MC2R: variants seen among roughly 807,000 people sequenced by gnomAD.
MC2R encodes melanocortin 2 receptor.
A neutral mutation model predicts 9.8 loss-of-function variants in MC2R; 9 were observed. The observed-to-expected ratio is 0.92, with a 90% CI of 0.55 to 1.60. The LOEUF (loss-of-function observed/expected upper bound fraction) is 1.60. Ranked by LOEUF, MC2R falls within the 40% of genes most tolerant of loss-of-function variation. The pLI is 0.00. For synonymous variants in MC2R, 185 were observed against 154.7 expected, an observed-to-expected ratio of 1.20 and a Z score of -1.45; for missense variants, 370 against 389.0, an observed-to-expected ratio of 0.95 and a Z score of 0.41.
chr18:13,884,077 A>G lies in MC2R; in HGVS notation c.*548T>C. On this transcript the variant is annotated 3_prime_UTR_variant, in exon 2 of 2. Transcript: ENST00000327606. ...GATTCCACATGGCTGTGGGAGACAG[A>G]CAAATTCAGCTGCAGCAATGCATTC... The G allele has an allele frequency of 5.8e-6, 1 of 172,508 alleles. No individual in the cohort carries two copies. Among genetic ancestry groups the G allele is most frequent in the East Asian group, 1.5e-4 (1 of 6,858 alleles). 10.7% of individuals were successfully genotyped at this position (172,508 alleles called of 1,614,324 possible). A position where few individuals can be genotyped will look rare whatever the true frequency, so the allele number is the denominator to read the frequency against.
At chr18:13,898,210 A>G (rs1433979935) in intron 1 of MC2R, among the ~76,000 whole-genome samples, 6 of 152,142 alleles carry the variant, frequency 3.9e-5, no homozygotes, top group Non-Finnish European at 1.5e-5. Context: ...GCGCTTGCAA[A>G]CAAGGAAACA....
chr18:13,886,122 A>G (rs2045274862), intron 1 of MC2R, among the ~76,000 whole-genome samples: 1 of 152,188 alleles, frequency 6.6e-6, no homozygotes, highest in Non-Finnish European at 1.5e-5. Flanking sequence ...GGTAACACGT[A>G]TGTTATTCTG....
intron 1 of MC2R, among the ~76,000 whole-genome samples, chr18:13,893,701 A>T (rs1308295474): frequency 2.0e-5 from 3 of 152,306 alleles, no homozygotes; most frequent in Admixed American, 1.3e-4. Context: ...GCTCGACTGA[A>T]ATCAATAACA....
Position 13,882,569 on chromosome 18 carries a change from T to G in MC2R, c.*2056A>C, listed in dbSNP as rs1052810655. The G allele has an allele frequency of 6.6e-6, 1 of 152,168 alleles. No homozygotes were observed. Among genetic ancestry groups the G allele is most frequent in the Non-Finnish European group, 1.5e-5 (1 of 68,028 alleles). The allele number at this position is 152,168 out of a possible 1,614,324, so 9.4% of individuals were successfully genotyped here. On this transcript the variant is annotated 3_prime_UTR_variant, in exon 2 of 2. Transcript: ENST00000327606. ...ACAGTCACATGCACAGCAGAGAGCT[T>G]GAGAGTGATTAGGAGACAGCAAAGC...
At chr18:13,892,175 G>T (rs1031844355) in intron 1 of MC2R, among the ~76,000 whole-genome samples, 11 of 152,202 alleles carry the variant, frequency 7.2e-5, no homozygotes, top group Admixed American at 2.6e-4. Flanking sequence ...CTCGCTGATG[G>T]TTCAGAGCCC....
chr18:13,889,119 G>A (rs1380655203), intron 1 of MC2R, among the ~76,000 whole-genome samples: 2 of 152,144 alleles, frequency 1.3e-5, no homozygotes, highest in African/African-American at 2.4e-5. Flanking sequence ...TGGGCTCAAG[G>A]CATCCTCCCA....
intron 1 of MC2R, among the ~76,000 whole-genome samples, chr18:13,897,302 C>G (rs539051402): frequency 1.3e-5 from 2 of 152,176 alleles, no homozygotes; most frequent in African/African-American, 4.8e-5. Context: ...CACCCAGCCA[C>G]GGAGCAAGTC....
chr18:13,907,267 G>T (rs961889594), intron 1 of MC2R, among the ~76,000 whole-genome samples: 1 of 152,164 alleles, frequency 6.6e-6, no homozygotes, highest in Admixed American at 6.5e-5. Context: ...AACATACAAT[G>T]GGGAAAGGAC....
intron 1 of MC2R, among the ~76,000 whole-genome samples, chr18:13,891,572 C>T (rs1312424082): frequency 6.6e-6 from 1 of 152,222 alleles, no homozygotes; most frequent in African/African-American, 2.4e-5. Context: ...CTTCCCTAGC[C>T]TCTTCAGTGC....
At chr18:13,896,785 T>C (rs893367841) in intron 1 of MC2R, among the ~76,000 whole-genome samples, 29 of 152,188 alleles carry the variant, frequency 1.9e-4, no homozygotes, top group African/African-American at 6.8e-4. Context: ...CAAAGATGCA[T>C]ATACAATGAT....
intron 1 of MC2R, among the ~76,000 whole-genome samples, chr18:13,889,696 AT>A (rs201503079): frequency 0.012 from 1,861 of 152,226 alleles, 39 homozygotes; most frequent in African/African-American, 0.043. Context: ...ACCAAAAAAA[AT>A]ATATATAGTT....
chr18:13,910,016 C>T (rs1388792848), intron 1 of MC2R, among the ~76,000 whole-genome samples: 2 of 152,080 alleles, frequency 1.3e-5, no homozygotes, highest in Non-Finnish European at 2.9e-5. Context: ...TGGAGATTTT[C>T]TTCTATGTTT....
intron 1 of MC2R, among the ~76,000 whole-genome samples, chr18:13,895,780 C>G (rs2045342582): frequency 2.0e-5 from 3 of 152,014 alleles, no homozygotes; most frequent in South Asian, 2.1e-4. Context: ...GTGCAGGGGA[C>G]TAGGAGCTGA....
At chr18:13,907,843 C>G (rs2045422299) in intron 1 of MC2R, among the ~76,000 whole-genome samples, 1 of 152,042 alleles carries the variant, frequency 6.6e-6, no homozygotes, top group South Asian at 2.1e-4. Context: ...TAATCTCACC[C>G]CAGTTAAAAT....
At chr18:13,890,009 A>C (rs937318809) in intron 1 of MC2R, among the ~76,000 whole-genome samples, 2 of 152,214 alleles carry the variant, frequency 1.3e-5, no homozygotes, top group Non-Finnish European at 2.9e-5. Context: ...CGCTTCCATG[A>C]ATATTCATTT....
rs1477956193 is a variant in MC2R at position 13,882,771 on chromosome 18, T to A, written c.*1854A>T. On this transcript the variant is annotated 3_prime_UTR_variant, in exon 2 of 2. Transcript: ENST00000327606. ...AATATGTTATACATTACTTTTTCAA[T>A]GGTAGAAATAACACTTTTAAAAATT... is the stretch of plus-strand genomic sequence containing the variant. 1 of 152,260 alleles carries A rather than the reference T, an allele frequency of 6.6e-6. No homozygotes were observed. Among genetic ancestry groups the A allele is most frequent in the Non-Finnish European group, 1.5e-5 (1 of 68,044 alleles). 9.4% of individuals were successfully genotyped at this position (152,260 alleles called of 1,614,324 possible).
chr18:13,894,478 C>G (rs2045335240), intron 1 of MC2R, among the ~76,000 whole-genome samples: 1 of 152,220 alleles, frequency 6.6e-6, no homozygotes. Flanking sequence ...GATAACAACA[C>G]TCAGTGCATA....
intron 1 of MC2R, among the ~76,000 whole-genome samples, chr18:13,898,380 T>C (rs1411237634): frequency 6.6e-6 from 1 of 152,206 alleles, no homozygotes; most frequent in African/African-American, 2.4e-5. Context: ...GGTAGACTTC[T>C]AAGGTTTGTC....
intron 1 of MC2R, among the ~76,000 whole-genome samples, chr18:13,907,310 G>C (rs952130975): frequency 1.3e-5 from 2 of 152,026 alleles, no homozygotes; most frequent in African/African-American, 2.4e-5. Flanking sequence ...GGGAAAACTG[G>C]ATATCCATAT....
Sources: allele counts gnomAD v4.1 joint callset (sites outside exome capture counted in the v4.1 genomes callset), GRCh38; gene constraint gnomAD v4.1.1; transcripts MANE v1.5; gene names NCBI Gene and HGNC (gene_info 2026-07-23, HGNC 2026-07-21).